Variants in RIMS1 observed in about 807,000 individuals in gnomAD.
RIMS1 encodes the protein regulating synaptic membrane exocytosis protein 1.
A neutral mutation model predicts 214.1 loss-of-function variants in RIMS1; 83 were observed. The ratio of observed to expected loss-of-function variants is 0.39; its 90% CI spans 0.32 to 0.47. The LOEUF (loss-of-function observed/expected upper bound fraction) is 0.47, where lower values mean the gene tolerates loss of function less well. Among genes scored for constraint, RIMS1 ranks in the 20% least tolerant of loss-of-function variants. RIMS1 has a pLI of 0.99. For synonymous variants in RIMS1, 793 were observed against 786.8 expected, an observed-to-expected ratio of 1.01 and a Z score of -0.13; for missense variants, 2,050 against 2,161.8, an observed-to-expected ratio of 0.95 and a Z score of 1.03.
intron 15 of RIMS1, among the ~76,000 whole-genome samples, chr6:72,252,447 A>C (rs976505408): frequency 1.3e-5 from 2 of 152,158 alleles, no homozygotes; most frequent in African/African-American, 4.8e-5. Flanking sequence ...ATTGTGTAGA[A>C]AACAATGTAC....
At chr6:72,121,670 T>C (rs2038353297) in intron 4 of RIMS1, among the ~76,000 whole-genome samples, 1 of 151,878 alleles carries the variant, frequency 6.6e-6, no homozygotes, top group Admixed American at 6.6e-5. Flanking sequence ...ATTGCCCTGG[T>C]CAGAACTTCC....
chr6:72,199,298 A>T (rs544363672), intron 6 of RIMS1, among the ~76,000 whole-genome samples: 1 of 152,262 alleles, frequency 6.6e-6, no homozygotes, highest in African/African-American at 2.4e-5. Context: ...GATGTAATTT[A>T]AGTAACTGAT....
intron 2 of RIMS1, among the ~76,000 whole-genome samples, chr6:72,042,096 A>AT (rs1187966617): frequency 2.6e-5 from 4 of 151,856 alleles, no homozygotes; most frequent in African/African-American, 9.7e-5. Context: ...TCACGAAAAC[A>AT]TTTTTTCTAA....
intron 6 of RIMS1, among the ~76,000 whole-genome samples, chr6:72,213,817 G>T (rs1027049085): frequency 1.3e-5 from 2 of 152,078 alleles, no homozygotes; most frequent in African/African-American, 4.8e-5. Flanking sequence ...GCTCAAAATT[G>T]CATTTGATGT....
rs975468264 is a variant in RIMS1, at chr6:72,217,025, C to T, written c.1679-16748C>T. On this transcript the variant is annotated intron_variant, in intron 6 of 33. Coordinates refer to ENST00000521978, the MANE Select transcript of RIMS1 (RefSeq NM_014989.7). ...GTTGTATAATGTTGGACACTGCAGG[C>T]TTTTTTGGCTTTGATTTAGAATGCA... The T allele has an allele frequency of 2.9e-5, 42 of 1,431,818 alleles. No individual in the cohort carries two copies. The African/African-American group carries it at 5.0e-4, about 17-fold the overall frequency. The allele number at this position is 1,431,818 out of a possible 1,614,324, so 88.7% of individuals were successfully genotyped here.
chr6:72,125,049 G>A (rs892564724), intron 4 of RIMS1, among the ~76,000 whole-genome samples: 5 of 152,142 alleles, frequency 3.3e-5, no homozygotes, highest in African/African-American at 9.7e-5. Flanking sequence ...TCCTTTGGAG[G>A]AGAAGAGGCA....
chr6:71,950,192 A>G (rs1211160949), intron 1 of RIMS1, among the ~76,000 whole-genome samples: 2 of 152,170 alleles, frequency 1.3e-5, no homozygotes, highest in East Asian at 1.9e-4. Flanking sequence ...ATTGATTATC[A>G]TGGGGTCTAA....
intron 22 of RIMS1, among the ~76,000 whole-genome samples, chr6:72,273,831 C>G (rs74366906): frequency 0.074 from 11,204 of 152,202 alleles, 479 homozygotes; most frequent in Non-Finnish European, 0.1. Flanking sequence ...ACGGTTTCAA[C>G]ACTGAAGAAC....
intron 6 of RIMS1, among the ~76,000 whole-genome samples, chr6:72,207,918 T>C (rs1231248768): frequency 6.6e-6 from 1 of 152,082 alleles, no homozygotes; most frequent in Admixed American, 6.5e-5. Flanking sequence ...ATGAGAAAAT[T>C]AGATCTGTAA....
intron 23 of RIMS1, among the ~76,000 whole-genome samples, chr6:72,274,852 T>C (rs2085345311): frequency 6.6e-6 from 1 of 152,076 alleles, no homozygotes; most frequent in African/African-American, 2.4e-5. Flanking sequence ...TGTACACTTG[T>C]TAACAATGAA....
At chr6:72,101,994 A>G (rs1159748074) in intron 4 of RIMS1, among the ~76,000 whole-genome samples, 1 of 151,960 alleles carries the variant, frequency 6.6e-6, no homozygotes, top group Non-Finnish European at 1.5e-5. Context: ...CAAAATTATG[A>G]TTATATTTTT....
intron 29 of RIMS1, among the ~76,000 whole-genome samples, chr6:72,364,213 A>G (rs1445239192): frequency 6.6e-6 from 1 of 152,080 alleles, no homozygotes; most frequent in Non-Finnish European, 1.5e-5. Context: ...GTTTTTGCAT[A>G]TCTTTATCCA....
intron 2 of RIMS1, among the ~76,000 whole-genome samples, chr6:71,969,548 C>T (rs575162418): frequency 5.3e-5 from 8 of 152,298 alleles, no homozygotes; most frequent in African/African-American, 1.7e-4. Flanking sequence ...GTGGCTCATG[C>T]CCGTAATCCC....
chr6:72,153,660 G>T (rs2044038801), intron 4 of RIMS1, among the ~76,000 whole-genome samples: 1 of 152,074 alleles, frequency 6.6e-6, no homozygotes, highest in Non-Finnish European at 1.5e-5. Context: ...GTCAAACAAA[G>T]CTTGTGCACT....
At chr6:72,097,859 A>C (rs2032293604) in intron 3 of RIMS1, among the ~76,000 whole-genome samples, 1 of 152,188 alleles carries the variant, frequency 6.6e-6, no homozygotes, top group African/African-American at 2.4e-5. Context: ...AACCAATATT[A>C]TTATTTATGA....
chr6:71,960,614 G>A (rs536513866), intron 1 of RIMS1, among the ~76,000 whole-genome samples: 2 of 152,110 alleles, frequency 1.3e-5, no homozygotes, highest in African/African-American at 4.8e-5. Context: ...CTACCTTGCT[G>A]GAAATATTAG....
intron 1 of RIMS1, among the ~76,000 whole-genome samples, chr6:71,943,929 A>C (rs1176540618): frequency 1.3e-5 from 2 of 152,192 alleles, no homozygotes; most frequent in Non-Finnish European, 2.9e-5. Context: ...TTCTAATATT[A>C]TTCAACAGAT....
intron 2 of RIMS1, among the ~76,000 whole-genome samples, chr6:72,091,453 T>C (rs1431367087): frequency 1.3e-5 from 2 of 152,246 alleles, no homozygotes; most frequent in Non-Finnish European, 2.9e-5. Flanking sequence ...AACAAATACA[T>C]ATTAATTTGT....
intron 2 of RIMS1, among the ~76,000 whole-genome samples, chr6:71,985,923 G>T (rs1050997610): frequency 6.6e-6 from 1 of 151,990 alleles, no homozygotes; most frequent in African/African-American, 2.4e-5. Flanking sequence ...TCCTAGGCAG[G>T]GTTAGTCTCT....
Sources: gnomAD v4.1 joint callset for allele counts (sites outside exome capture counted in the v4.1 genomes callset) on GRCh38, gnomAD v4.1.1 for gene constraint, MANE v1.5 for transcripts, NCBI Gene and HGNC (gene_info 2026-07-23, HGNC 2026-07-21) for gene names.